The following MARCHF8 variants were observed in gnomAD, a reference collection of about 807,000 sequenced individuals.
MARCHF8 encodes E3 ubiquitin-protein ligase MARCHF8.
Under a neutral mutation model 51.6 loss-of-function variants are expected in MARCHF8, and 40 were observed. The ratio of observed to expected loss-of-function variants is 0.77; its 90% CI spans 0.60 to 1.01. MARCHF8 has a LOEUF of 1.01. Among genes scored for constraint, MARCHF8 ranks in the 50% least tolerant of loss-of-function variants. The probability of loss-of-function intolerance (pLI) is 0.00; values close to 1 mark genes in which losing one functional copy is unlikely to be tolerated. For missense variants in MARCHF8, 685 were observed against 708.6 expected, an observed-to-expected ratio of 0.97 and a Z score of 0.38; for synonymous variants, 263 against 280.3, an observed-to-expected ratio of 0.94 and a Z score of 0.62.
intron 1 of MARCHF8, among the ~76,000 whole-genome samples, chr10:45,580,580 A>G (rs1015985421): frequency 5.3e-5 from 8 of 152,350 alleles, no homozygotes; most frequent in Non-Finnish European, 1.0e-4. Flanking sequence ...CATTTCATAT[A>G]TGTAAAAAAT....
chr10:45,460,338 A>G lies in MARCHF8; in HGVS notation c.1269+893T>C, dbSNP rs920782454. On this transcript the variant is annotated intron_variant, in intron 6 of 7. Transcript: ENST00000453424. ...CTAAACTCCTTGCACTCTGCCTCCA[A>G]ATCCTAGTGATCCTTCAAGAACTGC... 3.2e-4 allele frequency among the ~76,000 whole-genome samples: 48 copies of G among 152,020 alleles called. 1 individual carries two copies. Among genetic ancestry groups the G allele is most frequent in the African/African-American group, 1.0e-3 (43 of 41,366 alleles).
chr10:45,563,519 C>A (rs778696821), intron 1 of MARCHF8, among the ~76,000 whole-genome samples: 23 of 152,008 alleles, frequency 1.5e-4, no homozygotes, highest in African/African-American at 5.1e-4. Flanking sequence ...GATAATATCT[C>A]AAGAATAAAC....
At chr10:45,560,554 T>C (rs752965189) in intron 1 of MARCHF8, among the ~76,000 whole-genome samples, 1 of 152,180 alleles carries the variant, frequency 6.6e-6, no homozygotes, top group Non-Finnish European at 1.5e-5. Flanking sequence ...AGTGCCAGCT[T>C]GTCAAGGCCG....
At chr10:45,541,190 A>G (rs2044046940) in intron 1 of MARCHF8, among the ~76,000 whole-genome samples, 1 of 152,184 alleles carries the variant, frequency 6.6e-6, no homozygotes, top group Non-Finnish European at 1.5e-5. Context: ...ACAATGATAG[A>G]CTGGATTAAG....
Position 45,530,729 on chromosome 10 carries a change from C to T in MARCHF8, c.102+2381G>A, listed in dbSNP as rs58482892. 2.7e-3 allele frequency among the ~76,000 whole-genome samples: 406 copies of T among 152,182 alleles called. 1 individual carries two copies. The highest frequency in any genetic ancestry group is 9.3e-3 in the African/African-American group (385 of 41,494). On this transcript the variant is annotated intron_variant, in intron 2 of 7. Coordinates refer to ENST00000453424, the MANE Select transcript of MARCHF8 (RefSeq NM_001282866.2). ...TCGTGGCTGCGGTATGCTGTGATCA[C>T]GCCACTGTATGCTAGCCTGGGCAAC...
chr10:45,486,572 T>C (rs529043524), intron 3 of MARCHF8, among the ~76,000 whole-genome samples: 1 of 151,842 alleles, frequency 6.6e-6, no homozygotes, highest in African/African-American at 2.4e-5. Context: ...TAAAAAAAAA[T>C]GTATGCAAGA....
chr10:45,483,406 CAGG>C (rs2042924432), intron 3 of MARCHF8, among the ~76,000 whole-genome samples: 3 of 152,176 alleles, frequency 2.0e-5, no homozygotes, highest in African/African-American at 7.2e-5. Context: ...CCCTAATCAT[CAGG>C]GAATAACAGA....
chr10:45,557,967 A>G (rs2044270858), intron 1 of MARCHF8, among the ~76,000 whole-genome samples: 1 of 152,204 alleles, frequency 6.6e-6, no homozygotes, highest in Admixed American at 6.5e-5. Context: ...TAAATTTGGT[A>G]ATAATAACTT....
chr10:45,576,786 A>C (rs942276385), intron 1 of MARCHF8, among the ~76,000 whole-genome samples: 1 of 151,318 alleles, frequency 6.6e-6, no homozygotes, highest in South Asian at 2.1e-4. Flanking sequence ...AAAAAAAAAA[A>C]AAAACTAGCC....
intron 1 of MARCHF8, among the ~76,000 whole-genome samples, chr10:45,573,448 G>C (rs979401995): frequency 2.0e-5 from 3 of 152,186 alleles, no homozygotes; most frequent in Admixed American, 6.5e-5. Flanking sequence ...GCAGCTGCCA[G>C]GGGTTCCTCC....
chr10:45,588,998 C>CAAA (rs72350925), intron 1 of MARCHF8, among the ~76,000 whole-genome samples: 59 of 87,610 alleles, frequency 6.7e-4, no homozygotes, highest in Admixed American at 9.8e-4. Context: ...GACTACGTTT[C>CAAA]AAAAAAAAAA....
At chr10:45,512,913 C>G (rs1017923531) in intron 2 of MARCHF8, among the ~76,000 whole-genome samples, 45 of 151,932 alleles carry the variant, frequency 3.0e-4, no homozygotes, top group Non-Finnish European at 4.3e-4. Context: ...TCCTGTTGAT[C>G]GGTGACCTTA....
At chr10:45,543,523 GC>G (rs1213992746) in intron 1 of MARCHF8, among the ~76,000 whole-genome samples, 1 of 152,188 alleles carries the variant, frequency 6.6e-6, no homozygotes, top group Non-Finnish European at 1.5e-5. Flanking sequence ...ATCTGGCCGG[GC>G]ACGGTGGCTC....
chr10:45,463,747 C>T lies in MARCHF8; in HGVS notation c.492G>A (p.Lys164=). 6.4e-7 allele frequency: 1 copy of T among 1,551,230 alleles called. No homozygotes were observed. Among genetic ancestry groups the T allele is most frequent in the Non-Finnish European group, 8.7e-7 (1 of 1,147,148 alleles). The change falls in exon 5 of 8, where the codon AAG becomes AAA. Residue 164 remains lysine, a synonymous_variant. Coordinates refer to ENST00000453424, the MANE Select transcript of MARCHF8 (RefSeq NM_001282866.2). ...FSRSLNDVGE[K]AQDTSESFAY... is the part of the protein sequence containing the mutation. ...CAAAACTTTCTGAAGTATCCTGCGC[C>T]TTCTCACCCACATCATTGAGGGACC... is the stretch of plus-strand genomic sequence containing the variant.
intron 1 of MARCHF8, among the ~76,000 whole-genome samples, chr10:45,587,856 G>C (rs1025161142): frequency 2.6e-5 from 4 of 152,034 alleles, no homozygotes; most frequent in African/African-American, 9.7e-5. Context: ...ACTCAATAGG[G>C]AAAGAATTAC....
chr10:45,459,018 G>A, intron 7 of MARCHF8, 102 bp downstream of exon 7: 1 of 1,487,872 alleles, frequency 6.7e-7, no homozygotes. Flanking sequence ...CCCTCCTCCG[G>A]AAACCCAGAC....
intron 3 of MARCHF8, among the ~76,000 whole-genome samples, chr10:45,479,026 C>T (rs1033393747): frequency 1.3e-5 from 2 of 152,172 alleles, no homozygotes; most frequent in Admixed American, 1.3e-4. Flanking sequence ...GACACCAAAA[C>T]CAGACAAGGA....
chr10:45,590,989 C>A (rs1004897865), intron 1 of MARCHF8, among the ~76,000 whole-genome samples: 15 of 152,314 alleles, frequency 9.8e-5, no homozygotes, highest in African/African-American at 3.6e-4. Context: ...AACTGATAAA[C>A]GTACTTTGTA....
At chr10:45,542,345 CAAAAAAAAAAAAAAAAAA>C (rs60776762) in intron 1 of MARCHF8, among the ~76,000 whole-genome samples, 1 of 48,982 alleles carries the variant, frequency 2.0e-5, no homozygotes, top group Non-Finnish European at 3.9e-5. Context: ...GACTTCGTCT[CAAAAAAAAAAAAAAAAAA>C]AAAAAAAAGA....
Sources: gnomAD v4.1 joint callset for allele counts (sites outside exome capture counted in the v4.1 genomes callset) on GRCh38, gnomAD v4.1.1 for gene constraint, MANE v1.5 for transcripts, NCBI Gene and HGNC (gene_info 2026-07-23, HGNC 2026-07-21) for gene names.